Variants in VAV2 observed in about 807,000 individuals in gnomAD.
The protein encoded by VAV2 is vav guanine nucleotide exchange factor 2, also known as guanine nucleotide exchange factor VAV2.
Under a neutral mutation model 132.5 loss-of-function variants are expected in VAV2, and 67 were observed. That is an observed-to-expected ratio of 0.51 (90% CI 0.42 to 0.62). The LOEUF is 0.62. Among genes scored for constraint, VAV2 ranks in the 20% least tolerant of loss-of-function variants. The pLI, the probability that VAV2 is intolerant of heterozygous loss-of-function variation, is 0.00. For missense variants in VAV2, 938 were observed against 1,153.6 expected (o/e 0.81, Z 2.71); for synonymous variants, 492 against 443.5 (o/e 1.11, Z -1.37).
At position 133,961,981 on chromosome 9, in the gene VAV2, C is replaced by G. The variant is rs1324558356; in HGVS notation, c.205-22762G>C. ...CATGCCGGGTGCTGGGGACCCTCTTCCTGAATGGTCCTCAGCCACCACCAT... is the reference window on the plus strand; with the variant it reads ...CATGCCGGGTGCTGGGGACCCTCTTGCTGAATGGTCCTCAGCCACCACCAT... On this transcript the variant is annotated intron_variant, in intron 1 of 29. Coordinates refer to ENST00000371850, the MANE Select transcript of VAV2 (RefSeq NM_001134398.2). The surrounding 1 kb of genome is among the most constrained non-coding windows in gnomAD (Gnocchi z 4.1). Among the ~76,000 whole-genome samples, 1 of 152,178 alleles carries G rather than the reference C, an allele frequency of 6.6e-6. No homozygotes were observed. The highest frequency in any genetic ancestry group is 1.5e-5 in the Non-Finnish European group (1 of 68,034).
chr9:133,946,625 A>G (rs2519112), intron 1 of VAV2, among the ~76,000 whole-genome samples: 110,847 of 152,186 alleles, frequency 0.73, 40,490 homozygotes, highest in East Asian at 0.8. Flanking sequence ...CTCTGCTTCC[A>G]GCTGGAGTGG....
intron 3 of VAV2, among the ~76,000 whole-genome samples, chr9:133,838,109 G>A (rs1420943216): frequency 1.3e-5 from 2 of 151,962 alleles, no homozygotes; most frequent in Non-Finnish European, 2.9e-5. Flanking sequence ...GCTTCACCAG[G>A]CCCCAGTCCC....
At chr9:133,819,229 G>A (rs1282193760) in intron 4 of VAV2, among the ~76,000 whole-genome samples, 1 of 151,950 alleles carries the variant, frequency 6.6e-6, no homozygotes, top group Non-Finnish European at 1.5e-5. Context: ...CGGATCACGA[G>A]GTCAGGAGAT....
intron 19 of VAV2, among the ~76,000 whole-genome samples, chr9:133,781,427 G>C (rs929455644): frequency 6.6e-5 from 10 of 152,192 alleles, no homozygotes; most frequent in Non-Finnish European, 1.5e-4. Context: ...GACAGCTCTG[G>C]GCAGACAGAG....
At chr9:133,971,906 C>T (rs544052386) in intron 1 of VAV2, among the ~76,000 whole-genome samples, 1 of 152,294 alleles carries the variant, frequency 6.6e-6, no homozygotes, top group East Asian at 1.9e-4. Context: ...CCTGGGGCTG[C>T]AGATCCCCGA....
intron 4 of VAV2, among the ~76,000 whole-genome samples, chr9:133,831,619 G>A (rs1274283080): frequency 6.6e-6 from 1 of 152,178 alleles, no homozygotes; most frequent in Non-Finnish European, 1.5e-5. Flanking sequence ...TACGGAGTGG[G>A]CATTTCATGT....
intron 4 of VAV2, among the ~76,000 whole-genome samples, chr9:133,822,900 C>T (rs1835849888): frequency 6.6e-6 from 1 of 152,228 alleles, no homozygotes; most frequent in African/African-American, 2.4e-5. Context: ...CTATGTGAGG[C>T]ATGCTGTGTG....
At chr9:133,789,220 C>A (rs746810051) in intron 14 of VAV2, 38 bp downstream of exon 14, 1 of 1,608,384 alleles carries the variant, frequency 6.2e-7, no homozygotes, top group Non-Finnish European at 8.5e-7. Context: ...CAGACCCTGG[C>A]GGGACGCCAC....
chr9:133,868,651 A>T (rs1837904162), intron 2 of VAV2, among the ~76,000 whole-genome samples: 1 of 152,244 alleles, frequency 6.6e-6, no homozygotes, highest in African/African-American at 2.4e-5. Context: ...CAGGGCCAGA[A>T]GCGTGCATGT....
At chr9:133,970,829 A>C (rs1192484607) in intron 1 of VAV2, among the ~76,000 whole-genome samples, 5 of 152,190 alleles carry the variant, frequency 3.3e-5, no homozygotes, top group African/African-American at 1.2e-4. Context: ...CAGTAAATGC[A>C]AACGGCTTCT....
At chr9:133,937,019 C>T (rs1053558823) in intron 2 of VAV2, among the ~76,000 whole-genome samples, 13 of 152,200 alleles carry the variant, frequency 8.5e-5, no homozygotes, top group Non-Finnish European at 1.6e-4. Flanking sequence ...AATTTATGTA[C>T]GTCTTACATC....
intron 1 of VAV2, among the ~76,000 whole-genome samples, chr9:133,982,209 G>A (rs908123378): frequency 2.6e-5 from 4 of 152,222 alleles, no homozygotes; most frequent in Admixed American, 2.6e-4. Context: ...GCACAGGAAG[G>A]TGGCCAGTGT....
intron 2 of VAV2, among the ~76,000 whole-genome samples, chr9:133,896,451 C>G (rs1839208746): frequency 6.6e-6 from 1 of 151,950 alleles, no homozygotes. Context: ...GAGACTCAGT[C>G]TCAAAAAAAT....
chr9:133,869,988 GC>G (rs1837963260), intron 2 of VAV2, among the ~76,000 whole-genome samples: 1 of 152,170 alleles, frequency 6.6e-6, no homozygotes, highest in Non-Finnish European at 1.5e-5. Flanking sequence ...CTCTAACTCA[GC>G]CTGTGTTATC....
chr9:133,898,188 C>T (rs1016143677), intron 2 of VAV2, among the ~76,000 whole-genome samples: 3 of 152,112 alleles, frequency 2.0e-5, no homozygotes, highest in African/African-American at 7.3e-5. Context: ...AAACTGAGGC[C>T]GGGCGGGCAC....
chr9:133,806,142 C>G lies in VAV2; in HGVS notation c.775G>C (p.Asp259His). ...KVHHSFLRAI[D>H]VSVMVGGSTL... ...CTGCCCCCCACCATCACGGACACGTCGATGGCCCTCAGGAAGCTGTGATGC... is the reference window on the plus strand; with the variant it reads ...CTGCCCCCCACCATCACGGACACGTGGATGGCCCTCAGGAAGCTGTGATGC... Residue 259 changes from aspartate to histidine, a missense_variant, in exon 9 of 30, where the codon GAC becomes CAC. By Grantham distance (81) the Asp-to-His change is moderately conservative. Transcript: ENST00000371850. 6.2e-7 allele frequency: 1 copy of G among 1,612,956 alleles called. No homozygotes were observed. The highest frequency in any genetic ancestry group is 8.5e-7 in the Non-Finnish European group (1 of 1,179,950).
Position 133,944,728 on chromosome 9 carries a change from A to C in VAV2, c.205-5509T>G, listed in dbSNP as rs3780776. On this transcript the variant is annotated intron_variant, in intron 1 of 29. Transcript: ENST00000371850. ...GCAAGAAAGTCCTGTCTCGCCAAGG[A>C]CGGCAGCACAAGGCCTGCGTCGTCA... is the stretch of plus-strand genomic sequence containing the variant. Among the ~76,000 whole-genome samples the C allele has an allele frequency of 3.5e-4, 53 of 152,360 alleles. 3 individuals are homozygous for C. In the East Asian group the frequency reaches 0.01, roughly 29 times the overall value.
At position 133,809,118 on chromosome 9, in the gene VAV2, A is replaced by G. The variant is rs745753890; in HGVS notation, c.588T>C (p.Asp196=). 4 of 1,613,720 alleles carry G rather than the reference A, an allele frequency of 2.5e-6. No individual in the cohort carries two copies. The highest frequency in any genetic ancestry group is 2.7e-5 in the African/African-American group (2 of 74,882). The stretch of plus-strand genomic sequence containing the variant: ...CCAGCAGGCAGCAGTTCCTCTTGTC[A>G]TCTTCAGTCATGCCCATTTTCTAGA... ...RYMQKMGMTE[D]DKRNCCLLEI... The change falls in exon 7 of 30, where the codon GAT becomes GAC. Residue 196 remains aspartate, a synonymous_variant. Coordinates refer to ENST00000371850, the MANE Select transcript of VAV2 (RefSeq NM_001134398.2).
At chr9:133,923,796 G>A (rs1588376293) in intron 2 of VAV2, among the ~76,000 whole-genome samples, 1 of 152,158 alleles carries the variant, frequency 6.6e-6, no homozygotes, top group Non-Finnish European at 1.5e-5. Flanking sequence ...ATATACCATG[G>A]AATACTATGC....
Sources: gnomAD v4.1 joint callset for allele counts (sites outside exome capture counted in the v4.1 genomes callset) on GRCh38, gnomAD v4.1.1 for gene constraint, Gnocchi (gnomAD v3.1) non-coding constraint, MANE v1.5 for transcripts, NCBI Gene and HGNC (gene_info 2026-07-23, HGNC 2026-07-21) for gene names.